The following FBXL20 variants were observed in gnomAD, a reference collection of about 807,000 sequenced individuals.
The protein encoded by FBXL20 is F-box/LRR-repeat protein 20.
FBXL20 carries 11 observed loss-of-function variants against 64.0 expected under a neutral mutation model. That is an observed-to-expected ratio of 0.17 (90% confidence interval 0.11 to 0.28). The LOEUF (loss-of-function observed/expected upper bound fraction) is 0.28, where lower values mean the gene tolerates loss of function less well. Ranked by LOEUF, FBXL20 falls within the 10% of genes least tolerant of loss-of-function variation. The pLI, the probability that FBXL20 is intolerant of heterozygous loss-of-function variation, is 1.00. For synonymous variants in FBXL20, 184 were observed against 189.0 expected, an observed-to-expected ratio of 0.97 and a Z score of 0.22; for missense variants, 303 against 526.2, an observed-to-expected ratio of 0.58 and a Z score of 4.15.
At chr17:39,367,058 ATTT>A (rs1240103603) in intron 1 of FBXL20, among the ~76,000 whole-genome samples, 1 of 148,132 alleles carries the variant, frequency 6.8e-6, no homozygotes, top group Non-Finnish European at 1.5e-5. Flanking sequence ...AATTTTTTGT[ATTT>A]TTTAGTAGAG....
At chr17:39,316,824 C>T (rs1252690253) in intron 2 of FBXL20, among the ~76,000 whole-genome samples, 1 of 152,214 alleles carries the variant, frequency 6.6e-6, no homozygotes, top group East Asian at 1.9e-4. Flanking sequence ...CCCGTCTCTA[C>T]TGAAAATACT....
chr17:39,296,888 A>G (rs2144433729), intron 6 of FBXL20, among the ~76,000 whole-genome samples: 2 of 152,168 alleles, frequency 1.3e-5, no homozygotes, highest in Middle Eastern at 6.8e-3. Flanking sequence ...TAGTATCCCT[A>G]CTGTATGTAC....
At chr17:39,384,001 A>C (rs1231096648) in intron 1 of FBXL20, among the ~76,000 whole-genome samples, 1 of 152,076 alleles carries the variant, frequency 6.6e-6, no homozygotes, top group East Asian at 1.9e-4. Context: ...TGGGAGGCCA[A>C]GGCAGGAGGA....
chr17:39,314,953 A>T (rs2047271497), intron 2 of FBXL20, among the ~76,000 whole-genome samples: 1 of 151,788 alleles, frequency 6.6e-6, no homozygotes, highest in Non-Finnish European at 1.5e-5. Flanking sequence ...GTACACTACC[A>T]CACCCGGCTA....
At chr17:39,335,701 C>T (rs1250416959) in intron 2 of FBXL20, among the ~76,000 whole-genome samples, 2 of 152,010 alleles carry the variant, frequency 1.3e-5, no homozygotes, top group Admixed American at 6.6e-5. Context: ...AGTGGTACCG[C>T]TAAGTAAGTA....
Position 39,264,155 on chromosome 17 carries a change from A to C in FBXL20, c.1203+20T>G. ...AGTGCTGCTAACACTAGAGTTGGAG[A>C]GTTATGTAGCCATTTTTACCCTGAG... is the stretch of plus-strand genomic sequence containing the variant. On this transcript the variant is annotated intron_variant, in intron 14 of 14. Transcript: ENST00000264658. 2 of 1,609,296 alleles carry C rather than the reference A, an allele frequency of 1.2e-6. No individual in the cohort carries two copies. The highest frequency in any genetic ancestry group is 1.7e-6 in the Non-Finnish European group (2 of 1,175,794).
At chr17:39,357,625 C>T (rs1017189580) in intron 1 of FBXL20, among the ~76,000 whole-genome samples, 10 of 152,196 alleles carry the variant, frequency 6.6e-5, no homozygotes, top group Admixed American at 5.9e-4. Context: ...TAGCTCACTG[C>T]AACCTCCAAC....
chr17:39,317,946 C>T (rs1037200530), intron 2 of FBXL20, among the ~76,000 whole-genome samples: 2 of 151,778 alleles, frequency 1.3e-5, no homozygotes, highest in African/African-American at 2.4e-5. Context: ...AGTGATCCGC[C>T]CTCCTCGCCT....
At chr17:39,307,384 T>C (rs1358914090) in intron 2 of FBXL20, among the ~76,000 whole-genome samples, 2 of 152,108 alleles carry the variant, frequency 1.3e-5, no homozygotes, top group Admixed American at 6.6e-5. Context: ...ATCTAAATGA[T>C]CAAAGGAAAC....
In FBXL20 at chr17:39,275,063, C is replaced by A; in HGVS notation, c.734G>T (p.Gly245Val). Residue 245 changes from glycine (G) to valine (V), a missense_variant, in exon 10 of 15, where the codon GGG (glycine) becomes GTG (valine). Gly to Val is a moderately radical substitution (Grantham distance 109). Coordinates refer to ENST00000264658, the MANE Select transcript of FBXL20 (RefSeq NM_032875.3). The part of the protein sequence containing the change: ...TDEGLITICR[G>V]CHKLQSLCAS... ...ACAAAGGGATTGTAACTTATGGCACCCTCTGCATATAGTAATGAGACCTTC... is the reference window on the plus strand; with the variant it reads ...ACAAAGGGATTGTAACTTATGGCACACTCTGCATATAGTAATGAGACCTTC... The A allele has an allele frequency of 6.2e-7, 1 of 1,613,668 alleles. No homozygotes were observed. The highest frequency in any genetic ancestry group is 8.5e-7 in the Non-Finnish European group (1 of 1,179,938).
At chr17:39,336,660 C>G (rs1470084249) in intron 2 of FBXL20, among the ~76,000 whole-genome samples, 2 of 151,940 alleles carry the variant, frequency 1.3e-5, no homozygotes, top group Non-Finnish European at 2.9e-5. Flanking sequence ...CCCATCTCTA[C>G]TAAAAATACA....
At chr17:39,356,821 A>G (rs1470097782) in intron 1 of FBXL20, among the ~76,000 whole-genome samples, 1 of 120,436 alleles carries the variant, frequency 8.3e-6, no homozygotes. Context: ...ACACCTGGCT[A>G]ATTTTTTTTT....
Position 39,255,779 on chromosome 17 carries a change from T to G in FBXL20, c.*5681A>C, listed in dbSNP as rs1005489094. 2 of 147,626 alleles carry G rather than the reference T, an allele frequency of 1.4e-5. No homozygotes were observed. The highest frequency in any genetic ancestry group is 5.0e-5 in the African/African-American group (2 of 39,818). 9.1% of individuals were successfully genotyped at this position (147,626 alleles called of 1,614,324 possible). A position where few individuals can be genotyped will look rare whatever the true frequency, so the allele number is the denominator to read the frequency against. ...ATCGCTTGAACCCAAGAGGCGGAGG[T>G]TGCGGTGAGCCGAGATCTCACTATT... is the stretch of plus-strand genomic sequence containing the variant. On this transcript the variant is annotated 3_prime_UTR_variant, in exon 15 of 15. Coordinates refer to ENST00000264658, the MANE Select transcript of FBXL20 (RefSeq NM_032875.3).
chr17:39,324,628 T>C (rs879317346), intron 2 of FBXL20, among the ~76,000 whole-genome samples: 1 of 152,168 alleles, frequency 6.6e-6, no homozygotes, highest in African/African-American at 2.4e-5. Context: ...CTAACTACTA[T>C]AAAAACATTT....
chr17:39,340,790 TC>T (rs2047574917), intron 2 of FBXL20, among the ~76,000 whole-genome samples: 1 of 152,066 alleles, frequency 6.6e-6, no homozygotes, highest in Non-Finnish European at 1.5e-5. Flanking sequence ...CATCTACTGT[TC>T]CAGTCATAAA....
chr17:39,362,428 C>T (rs1012224554), intron 1 of FBXL20, among the ~76,000 whole-genome samples: 1 of 152,208 alleles, frequency 6.6e-6, no homozygotes, highest in African/African-American at 2.4e-5. Flanking sequence ...GGCAAGACCC[C>T]ATCTCCTGCC....
chr17:39,304,155 T>C (rs1394923560), intron 2 of FBXL20, among the ~76,000 whole-genome samples: 1 of 151,946 alleles, frequency 6.6e-6, no homozygotes, highest in African/African-American at 2.4e-5. Flanking sequence ...ATAATGTACA[T>C]ACAGATGCTG....
At chr17:39,265,373 TA>T in intron 13 of FBXL20, 23 bp downstream of exon 13, 4 of 1,587,556 alleles carry the variant, frequency 2.5e-6, no homozygotes, top group Non-Finnish European at 3.5e-6. Context: ...AGTAAACACA[TA>T]AAGTTTTCAA....
At chr17:39,290,479 G>A (rs964928400) in intron 6 of FBXL20, among the ~76,000 whole-genome samples, 1 of 152,118 alleles carries the variant, frequency 6.6e-6, no homozygotes, top group East Asian at 1.9e-4. Flanking sequence ...TTGATCTCAG[G>A]AAGTCTTTCA....
Sources: gnomAD v4.1 joint callset for allele counts (sites outside exome capture counted in the v4.1 genomes callset) on GRCh38, gnomAD v4.1.1 for gene constraint, MANE v1.5 for transcripts, NCBI Gene and HGNC (gene_info 2026-07-23, HGNC 2026-07-21) for gene names.